The following RPS6KC1 variants were observed in gnomAD, a reference collection of about 807,000 sequenced individuals.
RPS6KC1 encodes inactive ribosomal protein S6 kinase delta-1.
In RPS6KC1, 54 loss-of-function variants were observed where a neutral mutation model predicts 103.8. The ratio of observed to expected loss-of-function variants is 0.52; its 90% confidence interval spans 0.42 to 0.65. The LOEUF is 0.65. Ranked by LOEUF, RPS6KC1 falls within the 30% of genes least tolerant of loss-of-function variation. RPS6KC1 has a pLI of 0.00. For missense variants in RPS6KC1, 1,151 were observed against 1,253.8 expected, an observed-to-expected ratio of 0.92 and a Z score of 1.24; for synonymous variants, 439 against 438.7, an observed-to-expected ratio of 1.00 and a Z score of -0.01.
Position 213,272,694 on chromosome 1 carries a change from C to T in RPS6KC1, c.*60C>T, listed in dbSNP as rs902415308. On this transcript the variant is annotated 3_prime_UTR_variant, in exon 15 of 15. Coordinates refer to ENST00000366960, the MANE Select transcript of RPS6KC1 (RefSeq NM_012424.6). ...TTCTCTGTGACAGGCATCTCCAGCA[C>T]TGAGGCACCTCTGACTCACAGTTAC... 1.6e-6 allele frequency: 2 copies of T among 1,235,842 alleles called. No homozygotes were observed. Among genetic ancestry groups the T allele is most frequent in the Non-Finnish European group, 2.4e-6 (2 of 840,196 alleles). 76.6% of individuals were successfully genotyped at this position (1,235,842 alleles called of 1,614,324 possible). A position where few individuals can be genotyped will look rare whatever the true frequency, so the allele number is the denominator to read the frequency against.
the RPS6KC1 span, among the ~76,000 whole-genome samples, chr1:213,797,538 T>G: frequency 6.6e-6 from 1 of 152,298 alleles, no homozygotes; most frequent in Non-Finnish European, 1.5e-5. Flanking sequence ...AGGCTGAATA[T>G]CCAAAAAGAC....
chr1:213,314,344 C>G, the RPS6KC1 span, among the ~76,000 whole-genome samples: 6 of 152,234 alleles, frequency 3.9e-5, no homozygotes, highest in African/African-American at 1.2e-4. Flanking sequence ...ACATAGCTTT[C>G]TGGGGGACCC....
At chr1:213,560,982 T>C in the RPS6KC1 span, among the ~76,000 whole-genome samples, 1 of 152,172 alleles carries the variant, frequency 6.6e-6, no homozygotes, top group East Asian at 1.9e-4. Context: ...AAGAGGTTGA[T>C]TGGAAAATAG....
chr1:213,294,118 T>C, the RPS6KC1 span, among the ~76,000 whole-genome samples: 2 of 152,158 alleles, frequency 1.3e-5, no homozygotes, highest in Admixed American at 1.3e-4. Flanking sequence ...CTTGAGAGAG[T>C]GCTCTGCCTT....
chr1:213,813,034 C>T, the RPS6KC1 span, among the ~76,000 whole-genome samples: 2 of 152,054 alleles, frequency 1.3e-5, no homozygotes, highest in African/African-American at 2.4e-5. Flanking sequence ...GGGCGGATCA[C>T]GAGGTCAAGA....
the RPS6KC1 span, among the ~76,000 whole-genome samples, chr1:213,704,470 G>A: frequency 1.3e-5 from 2 of 150,648 alleles, no homozygotes; most frequent in Non-Finnish European, 2.9e-5. Flanking sequence ...TTTCTGTTTG[G>A]TCTTTTAAAG....
At chr1:213,388,229 G>A in the RPS6KC1 span, among the ~76,000 whole-genome samples, 2 of 152,246 alleles carry the variant, frequency 1.3e-5, no homozygotes, top group African/African-American at 4.8e-5. Context: ...AAAGGAGCAA[G>A]GACAGATGCA....
chr1:213,807,968 T>A, the RPS6KC1 span, among the ~76,000 whole-genome samples: 1 of 152,318 alleles, frequency 6.6e-6, no homozygotes, highest in East Asian at 1.9e-4. Context: ...TGGATGTCCT[T>A]TCTGTTTGTT....
intron 4 of RPS6KC1, among the ~76,000 whole-genome samples, chr1:213,115,548 T>G (rs1324448398): frequency 6.6e-6 from 1 of 152,234 alleles, no homozygotes; most frequent in Admixed American, 6.5e-5. Flanking sequence ...TGTATCTCTA[T>G]TTCCTTCAGT....
chr1:213,744,694 G>A, the RPS6KC1 span, among the ~76,000 whole-genome samples: 4 of 152,246 alleles, frequency 2.6e-5, no homozygotes, highest in African/African-American at 7.2e-5. Flanking sequence ...GAGGTGAGAC[G>A]TAATGTCTTC....
the RPS6KC1 span, among the ~76,000 whole-genome samples, chr1:213,417,835 T>G: frequency 0.048 from 7,277 of 152,270 alleles, 198 homozygotes; most frequent in Middle Eastern, 0.061. Flanking sequence ...CTTGGCTGTT[T>G]TATTAACATA....
At chr1:213,267,304 A>C (rs928032505) in intron 14 of RPS6KC1, among the ~76,000 whole-genome samples, 1 of 151,914 alleles carries the variant, frequency 6.6e-6, no homozygotes. Context: ...AAGAAAAAAA[A>C]ATGTGGAAAG....
chr1:213,131,916 A>G (rs1459720438), intron 6 of RPS6KC1, among the ~76,000 whole-genome samples: 1 of 152,258 alleles, frequency 6.6e-6, no homozygotes. Flanking sequence ...GTGCTAAAAC[A>G]TCACTGGTGT....
intron 4 of RPS6KC1, among the ~76,000 whole-genome samples, chr1:213,108,650 CT>C (rs1003875442): frequency 2.0e-5 from 3 of 147,336 alleles, no homozygotes; most frequent in African/African-American, 7.5e-5. Context: ...TATTATTTTA[CT>C]TCTTTTTTTT....
At chr1:213,468,156 A>G in the RPS6KC1 span, among the ~76,000 whole-genome samples, 1 of 152,332 alleles carries the variant, frequency 6.6e-6, no homozygotes, top group Non-Finnish European at 1.5e-5. Context: ...TTTGTGTTTG[A>G]TGTATAAAGT....
At chr1:213,295,936 A>G in the RPS6KC1 span, among the ~76,000 whole-genome samples, 1 of 152,202 alleles carries the variant, frequency 6.6e-6, no homozygotes, top group Non-Finnish European at 1.5e-5. Flanking sequence ...TAGATTTTAG[A>G]TCATCCAGGT....
chr1:213,773,545 ATC>A, the RPS6KC1 span, among the ~76,000 whole-genome samples: 2 of 148,998 alleles, frequency 1.3e-5, no homozygotes, highest in Non-Finnish European at 3.0e-5. Flanking sequence ...AGATATATAT[ATC>A]TCTATATATG....
the RPS6KC1 span, among the ~76,000 whole-genome samples, chr1:213,341,059 G>A: frequency 9.2e-5 from 14 of 152,316 alleles, no homozygotes; most frequent in South Asian, 4.1e-4. Flanking sequence ...TAATCCCTGC[G>A]TGTCAGGGCT....
chr1:213,730,648 G>C, the RPS6KC1 span, among the ~76,000 whole-genome samples: 1 of 152,122 alleles, frequency 6.6e-6, no homozygotes, highest in African/African-American at 2.4e-5. Context: ...ATTTGTTTAA[G>C]TTCCTTATAG....
Sources: gnomAD v4.1 joint callset for allele counts (sites outside exome capture counted in the v4.1 genomes callset) on GRCh38, gnomAD v4.1.1 for gene constraint, MANE v1.5 for transcripts, NCBI Gene and HGNC (gene_info 2026-07-23, HGNC 2026-07-21) for gene names.